The following MIA2 variants were observed in gnomAD, a reference collection of about 807,000 sequenced individuals.
MIA2 encodes the protein melanoma inhibitory activity protein 2.
A neutral mutation model predicts 167.8 loss-of-function variants in MIA2; 127 were observed. The ratio of observed to expected loss-of-function variants is 0.76; its 90% CI spans 0.66 to 0.88. The LOEUF is 0.88. MIA2 is among the 40% of genes least tolerant of loss of function. The pLI, the probability that MIA2 is intolerant of heterozygous loss-of-function variation, is 0.00. For synonymous variants in MIA2, 552 were observed against 541.9 expected (o/e 1.02, Z -0.26); for missense variants, 1,690 against 1,624.7 (o/e 1.04, Z -0.69).
At chr14:39,279,983 A>G (rs972654742) in intron 9 of MIA2, among the ~76,000 whole-genome samples, 3 of 152,212 alleles carry the variant, frequency 2.0e-5, no homozygotes, top group African/African-American at 4.8e-5. Context: ...TTGTGGGGAC[A>G]CAATTCAGTC....
At chr14:39,290,328 A>T (rs2060557720) in intron 9 of MIA2, among the ~76,000 whole-genome samples, 1 of 145,730 alleles carries the variant, frequency 6.9e-6, no homozygotes, top group Non-Finnish European at 1.5e-5. Flanking sequence ...ACAGATATAT[A>T]TTTTTTTTTT....
chr14:39,269,263 C>G (rs2056687632), intron 6 of MIA2, among the ~76,000 whole-genome samples: 1 of 151,768 alleles, frequency 6.6e-6, no homozygotes, highest in South Asian at 2.1e-4. Flanking sequence ...GTTAAATTCA[C>G]TATGTTATGC....
intron 23 of MIA2, among the ~76,000 whole-genome samples, chr14:39,360,250 C>T (rs550990010): frequency 8.4e-4 from 128 of 152,214 alleles, no homozygotes; most frequent in African/African-American, 3.0e-3. Flanking sequence ...TGCAGTGAGC[C>T]AAGATTGTGC....
chr14:39,240,091 C>T (rs2053971221), intron 2 of MIA2, among the ~76,000 whole-genome samples: 1 of 152,128 alleles, frequency 6.6e-6, no homozygotes, highest in Admixed American at 6.5e-5. Flanking sequence ...ACTTGTAGAC[C>T]TTTACTATCA....
chr14:39,273,266 TA>T (rs2057447095), intron 6 of MIA2, among the ~76,000 whole-genome samples: 1 of 150,476 alleles, frequency 6.6e-6, no homozygotes, highest in African/African-American at 2.5e-5. Flanking sequence ...CATCTTTAAG[TA>T]TGATGTTAAC....
At chr14:39,282,163 G>A (rs2059044825) in intron 9 of MIA2, among the ~76,000 whole-genome samples, 1 of 152,154 alleles carries the variant, frequency 6.6e-6, no homozygotes, top group Non-Finnish European at 1.5e-5. Flanking sequence ...AGCTGTGGGT[G>A]CTGTCGTCTC....
At chr14:39,269,115 C>T (rs934196893) in intron 6 of MIA2, 90 of 876,130 alleles carry the variant, frequency 1.0e-4, no homozygotes, top group Non-Finnish European at 1.2e-4. Flanking sequence ...ATGCGAGTAC[C>T]CTGGCCTGGG....
chr14:39,310,824 CCCTT>C (rs2064114839), intron 18 of MIA2, among the ~76,000 whole-genome samples: 1 of 143,138 alleles, frequency 7.0e-6, no homozygotes, highest in African/African-American at 3.0e-5. Context: ...TTTGTTATGG[CCCTT>C]TGGCCCTTTG....
At chr14:39,307,477 C>T (rs1280764540) in intron 17 of MIA2, among the ~76,000 whole-genome samples, 1 of 133,856 alleles carries the variant, frequency 7.5e-6, no homozygotes, top group Non-Finnish European at 1.5e-5. Flanking sequence ...TCTTGGCTCA[C>T]TGCACGCTCT....
chr14:39,357,742 G>C (rs1197547403), intron 23 of MIA2, among the ~76,000 whole-genome samples: 1 of 152,194 alleles, frequency 6.6e-6, no homozygotes, highest in Non-Finnish European at 1.5e-5. Context: ...CCGTAGGGCA[G>C]GCCTGGTGGT....
At chr14:39,248,511 G>A (rs2054408920) in intron 4 of MIA2, among the ~76,000 whole-genome samples, 1 of 151,718 alleles carries the variant, frequency 6.6e-6, no homozygotes, top group African/African-American at 2.4e-5. Context: ...CTTTCCCAGA[G>A]ACAGTAATTT....
intron 7 of MIA2, among the ~76,000 whole-genome samples, chr14:39,277,776 A>ATATATATATATATT (rs1555358832): frequency 2.8e-5 from 1 of 35,768 alleles, no homozygotes; most frequent in South Asian, 1.2e-3. Context: ...ATATATATAT[A>ATATATATATATATT]TATATTTATA....
At chr14:39,301,775 A>G (rs1015048388) in intron 14 of MIA2, among the ~76,000 whole-genome samples, 1 of 152,222 alleles carries the variant, frequency 6.6e-6, no homozygotes, top group Admixed American at 6.5e-5. Context: ...CTCACTGCAG[A>G]TGTGTTTGGT....
At chr14:39,271,644 TC>T (rs1165590853) in intron 6 of MIA2, among the ~76,000 whole-genome samples, 2 of 152,006 alleles carry the variant, frequency 1.3e-5, no homozygotes, top group Non-Finnish European at 2.9e-5. Context: ...TATTAAGTCT[TC>T]CAAGCTGGGT....
chr14:39,245,369 G>A (rs896238600), intron 3 of MIA2, among the ~76,000 whole-genome samples: 1 of 151,888 alleles, frequency 6.6e-6, no homozygotes, highest in Non-Finnish European at 1.5e-5. Flanking sequence ...CACTAATATA[G>A]CTGATGAGCT....
intron 23 of MIA2, chr14:39,385,467 C>G: frequency 5.6e-6 from 6 of 1,072,256 alleles, no homozygotes; most frequent in South Asian, 2.5e-5. Context: ...TCAACTCTCT[C>G]CAAAATACAG....
At chr14:39,293,592 A>G (rs531727923) in intron 11 of MIA2, among the ~76,000 whole-genome samples, 26 of 152,306 alleles carry the variant, frequency 1.7e-4, no homozygotes, top group African/African-American at 5.8e-4. Flanking sequence ...GAAATTTTCT[A>G]TATGCACTAT....
At chr14:39,341,762 GA>G (rs1290864266) in intron 25 of MIA2, among the ~76,000 whole-genome samples, 2 of 152,094 alleles carry the variant, frequency 1.3e-5, no homozygotes, top group African/African-American at 2.4e-5. Context: ...GCATCAGTTT[GA>G]AATTTATGGT....
At chr14:39,370,512 G>A (rs567285353) in intron 23 of MIA2, 30 of 289,746 alleles carry the variant, frequency 1.0e-4, no homozygotes, top group Middle Eastern at 8.6e-4. Context: ...TCACTTTGTA[G>A]GCCAGATTGT....
Sources: allele counts gnomAD v4.1 joint callset (sites outside exome capture counted in the v4.1 genomes callset), GRCh38; gene constraint gnomAD v4.1.1; transcripts MANE v1.5; gene names NCBI Gene and HGNC (gene_info 2026-07-23, HGNC 2026-07-21).